The following DGKG variants were observed in gnomAD, a reference collection of about 807,000 sequenced individuals.
DGKG encodes the protein DAG kinase gamma.
A neutral mutation model predicts 105.3 loss-of-function variants in DGKG; 78 were observed. That is an observed-to-expected ratio of 0.74 (90% confidence interval 0.62 to 0.89). The LOEUF (loss-of-function observed/expected upper bound fraction) is 0.89. Among genes scored for constraint, DGKG ranks in the 40% least tolerant of loss-of-function variants. The pLI is 0.00. For missense variants in DGKG, 958 were observed against 1,020.1 expected (o/e 0.94, Z 0.83); for synonymous variants, 346 against 367.1 (o/e 0.94, Z 0.66).
intron 1 of DGKG, among the ~76,000 whole-genome samples, chr3:186,360,548 T>C (rs888719972): frequency 6.6e-6 from 1 of 152,304 alleles, no homozygotes; most frequent in South Asian, 2.1e-4. Context: ...CTTCCCATGT[T>C]AGACACATGC....
intron 20 of DGKG, among the ~76,000 whole-genome samples, chr3:186,218,568 TC>T (rs932664683): frequency 1.4e-5 from 2 of 144,516 alleles, no homozygotes; most frequent in African/African-American, 2.6e-5. Flanking sequence ...TTCTCCAAGC[TC>T]CCCAGACAAC....
chr3:186,177,003 T>C (rs574485830), intron 22 of DGKG, among the ~76,000 whole-genome samples: 2 of 152,268 alleles, frequency 1.3e-5, no homozygotes, highest in African/African-American at 2.4e-5. Context: ...GAGGGAGGAA[T>C]CACCTGTGTG....
chr3:186,183,956 G>T (rs565744810), intron 22 of DGKG, among the ~76,000 whole-genome samples: 1 of 152,070 alleles, frequency 6.6e-6, no homozygotes, highest in Non-Finnish European at 1.5e-5. Flanking sequence ...CACCTGCCTC[G>T]GCTTCCCAAA....
At chr3:186,281,573 A>C (rs556716872) in intron 7 of DGKG, among the ~76,000 whole-genome samples, 3 of 152,346 alleles carry the variant, frequency 2.0e-5, no homozygotes, top group African/African-American at 7.2e-5. Flanking sequence ...GCCAGATAGA[A>C]TGCCGGGTCC....
At chr3:186,263,628 C>T (rs1721895424) in intron 14 of DGKG, among the ~76,000 whole-genome samples, 1 of 150,764 alleles carries the variant, frequency 6.6e-6, no homozygotes, top group East Asian at 2.0e-4. Flanking sequence ...GTACTATCTT[C>T]TGGAGTTTCT....
intron 1 of DGKG, among the ~76,000 whole-genome samples, chr3:186,349,889 CTT>C (rs534294652): frequency 7.6e-5 from 11 of 144,892 alleles, no homozygotes; most frequent in Admixed American, 1.4e-4. Flanking sequence ...TCCACAGAAC[CTT>C]TTTTTTTTTT....
At chr3:186,287,034 C>CT (rs1723102163) in intron 6 of DGKG, among the ~76,000 whole-genome samples, 4 of 7,554 alleles carry the variant, frequency 5.3e-4, no homozygotes, top group Non-Finnish European at 1.1e-3. Flanking sequence ...AACTCCATCT[C>CT]AAAATAAATA....
chr3:186,179,065 G>C (rs571065072), intron 22 of DGKG, among the ~76,000 whole-genome samples: 1 of 152,312 alleles, frequency 6.6e-6, no homozygotes, highest in Non-Finnish European at 1.5e-5. Context: ...CTCTGCTTCA[G>C]TAGGCCTGCA....
At chr3:186,310,200 G>A (rs914290248) in intron 2 of DGKG, among the ~76,000 whole-genome samples, 29 of 131,832 alleles carry the variant, frequency 2.2e-4, no homozygotes, top group African/African-American at 8.0e-4. Context: ...CCAGGAGGCG[G>A]AGCTTGCAAT....
chr3:186,202,488 G>A (rs1156620672), intron 21 of DGKG, among the ~76,000 whole-genome samples: 1 of 152,182 alleles, frequency 6.6e-6, no homozygotes, highest in Admixed American at 6.5e-5. Flanking sequence ...TCTTCCCTGA[G>A]GTTCCCAAAT....
At chr3:186,341,998 A>G (rs1211378559) in intron 1 of DGKG, among the ~76,000 whole-genome samples, 1 of 152,170 alleles carries the variant, frequency 6.6e-6, no homozygotes, top group Non-Finnish European at 1.5e-5. Context: ...GGGTAATATC[A>G]CACTCTGGGG....
intron 24 of DGKG, chr3:186,160,833 A>G: frequency 1.0e-6 from 1 of 985,460 alleles, no homozygotes. Context: ...AGGACAAACT[A>G]AGAAGGAAGG....
intron 22 of DGKG, among the ~76,000 whole-genome samples, chr3:186,174,652 C>CTG (rs67342971): frequency 2.3e-4 from 34 of 145,830 alleles, no homozygotes; most frequent in African/African-American, 6.9e-4. Context: ...TTCCCTGCGG[C>CTG]TGTGTGTGTG....
intron 21 of DGKG, among the ~76,000 whole-genome samples, chr3:186,200,176 A>G (rs1455368177): frequency 6.6e-6 from 1 of 152,200 alleles, no homozygotes; most frequent in Non-Finnish European, 1.5e-5. Flanking sequence ...CTCAGTGAAG[A>G]TGAAAAGGAG....
chr3:186,278,857 G>A (rs1292583397), intron 9 of DGKG, among the ~76,000 whole-genome samples: 1 of 152,180 alleles, frequency 6.6e-6, no homozygotes, highest in East Asian at 1.9e-4. Flanking sequence ...TAATCTCAAA[G>A]TAGTGTTGTC....
At chr3:186,225,570 G>A (rs534135030) in intron 20 of DGKG, among the ~76,000 whole-genome samples, 1 of 152,132 alleles carries the variant, frequency 6.6e-6, no homozygotes, top group African/African-American at 2.4e-5. Context: ...CTGAAGCCCA[G>A]CTTCTCTTGA....
chr3:186,335,324 C>T (rs1725781929), intron 1 of DGKG, among the ~76,000 whole-genome samples: 1 of 152,166 alleles, frequency 6.6e-6, no homozygotes, highest in Non-Finnish European at 1.5e-5. Flanking sequence ...ATCTGCCTGC[C>T]TTGGCCTAAG....
chr3:186,246,961 A>G (rs939756562), intron 19 of DGKG, among the ~76,000 whole-genome samples: 1 of 152,204 alleles, frequency 6.6e-6, no homozygotes. Context: ...TGAGGAGTTC[A>G]GAGTTACACA....
intron 21 of DGKG, chr3:186,207,292 T>C (rs1718793405): frequency 5.7e-6 from 1 of 176,268 alleles, no homozygotes; most frequent in Non-Finnish European, 1.1e-5. Context: ...CCAAACCTGG[T>C]TGAGAGTCTC....
Sources: gnomAD v4.1 joint callset for allele counts (sites outside exome capture counted in the v4.1 genomes callset) on GRCh38, gnomAD v4.1.1 for gene constraint, MANE v1.5 for transcripts, NCBI Gene and HGNC (gene_info 2026-07-23, HGNC 2026-07-21) for gene names.